CDH23: variants seen among roughly 807,000 people sequenced by gnomAD.
CDH23 encodes cadherin related 23.
A neutral mutation model predicts 317.1 loss-of-function variants in CDH23; 189 were observed. The ratio of observed to expected loss-of-function variants is 0.60; its 90% CI spans 0.53 to 0.67. CDH23 has a LOEUF of 0.67. Ranked by LOEUF, CDH23 falls within the 30% of genes least tolerant of loss-of-function variation. The probability of loss-of-function intolerance (pLI) is 0.00; values close to 1 mark genes in which losing one functional copy is unlikely to be tolerated. For synonymous variants in CDH23, 1,839 were observed against 1,876.8 expected, an observed-to-expected ratio of 0.98 and a Z score of 0.52; for missense variants, 4,401 against 4,592.4, an observed-to-expected ratio of 0.96 and a Z score of 1.20.
At chr10:71,732,659 G>T (rs528557869) in intron 32 of CDH23, 7 of 1,386,046 alleles carry the variant, frequency 5.1e-6, no homozygotes, top group Non-Finnish European at 6.5e-6. Flanking sequence ...AAAAGTCCCC[G>T]AGATCAATAT....
chr10:71,760,648 C>T, intron 38 of CDH23: 1 of 550,192 alleles, frequency 1.8e-6, no homozygotes, highest in South Asian at 2.2e-5. Flanking sequence ...TCCAGAGAGT[C>T]AAGAGGAGCA....
At chr10:71,650,800 G>A (rs1863131936) in intron 14 of CDH23, among the ~76,000 whole-genome samples, 1 of 152,210 alleles carries the variant, frequency 6.6e-6, no homozygotes. Flanking sequence ...GAAATCAGAT[G>A]AGAAGGCCAG....
chr10:71,532,705 GTTTTTGT>G (rs1855449118), intron 6 of CDH23, among the ~76,000 whole-genome samples: 6 of 59,694 alleles, frequency 1.0e-4, no homozygotes, highest in African/African-American at 3.6e-4. Context: ...GTTTTCTTTT[GTTTTTGT>G]TTTTTTTTTT....
chr10:71,576,782 C>G (rs1477009232), intron 8 of CDH23, among the ~76,000 whole-genome samples: 1 of 152,208 alleles, frequency 6.6e-6, no homozygotes, highest in East Asian at 1.9e-4. Context: ...AGGGGCGACT[C>G]AGCGAGTGGT....
chr10:71,453,110 A>G (rs888260770), intron 3 of CDH23, among the ~76,000 whole-genome samples: 13 of 152,360 alleles, frequency 8.5e-5, no homozygotes, highest in African/African-American at 3.1e-4. Flanking sequence ...CAGAACCACC[A>G]GCACCCCAAA....
intron 28 of CDH23, among the ~76,000 whole-genome samples, chr10:71,721,760 T>C (rs1315741702): frequency 6.6e-6 from 1 of 152,216 alleles, no homozygotes; most frequent in African/African-American, 2.4e-5. Context: ...CTCCCTGTCC[T>C]GTGGAGGTTC....
At chr10:71,521,290 G>A (rs1854664334) in intron 6 of CDH23, among the ~76,000 whole-genome samples, 1 of 152,158 alleles carries the variant, frequency 6.6e-6, no homozygotes, top group Non-Finnish European at 1.5e-5. Flanking sequence ...AGAGTCGTGG[G>A]CTCAGGCTGG....
intron 9 of CDH23, among the ~76,000 whole-genome samples, chr10:71,580,627 G>A (rs75926957): frequency 6.6e-6 from 1 of 152,160 alleles, no homozygotes; most frequent in Non-Finnish European, 1.5e-5. Flanking sequence ...AAGGGATAGG[G>A]CCACTGTTTG....
chr10:71,755,434 A>AG (rs1840113788), intron 38 of CDH23: 1 of 1,613,038 alleles, frequency 6.2e-7, no homozygotes. Context: ...CCTACGATGC[A>AG]GGCACCCGTA....
At chr10:71,495,810 G>GAAA (rs79249505) in intron 3 of CDH23, among the ~76,000 whole-genome samples, 1 of 128,394 alleles carries the variant, frequency 7.8e-6, no homozygotes, top group South Asian at 2.5e-4. Flanking sequence ...AGAGGTTTTG[G>GAAA]AAAAAAAAAA....
At chr10:71,658,550 T>C (rs1043966378) in intron 14 of CDH23, among the ~76,000 whole-genome samples, 2 of 152,382 alleles carry the variant, frequency 1.3e-5, no homozygotes, top group South Asian at 2.1e-4. Flanking sequence ...AGCAGCTCTG[T>C]CTGCGGCTAA....
In CDH23 at chr10:71,480,784, C is replaced by T. The variant is rs114937792; in HGVS notation, c.146-29298C>T. Among the ~76,000 whole-genome samples the T allele has an allele frequency of 7.3e-3, 1,108 of 150,998 alleles. 16 individuals are homozygous for T. The highest frequency in any genetic ancestry group is 0.025 in the African/African-American group (1,040 of 41,084). The stretch of plus-strand genomic sequence containing the variant: ...CTGGATGGGGGCGGCTGTGTGGTCT[C>T]GGCTCACACAAGAAGAAGGACATGA... On this transcript the variant is annotated intron_variant, in intron 3 of 69. Transcript: ENST00000224721.
chr10:71,535,564 C>T (rs1484492084), intron 6 of CDH23, among the ~76,000 whole-genome samples: 5 of 152,240 alleles, frequency 3.3e-5, no homozygotes, highest in African/African-American at 4.8e-5. Flanking sequence ...AAAGCTTCAT[C>T]CATAGACAGA....
intron 14 of CDH23, among the ~76,000 whole-genome samples, chr10:71,673,987 C>T (rs1436190231): frequency 6.6e-6 from 1 of 151,944 alleles, no homozygotes; most frequent in Non-Finnish European, 1.5e-5. Flanking sequence ...GGGGTGGTGG[C>T]GGGGACAGAG....
chr10:71,417,796 G>C (rs1025576637), intron 1 of CDH23, among the ~76,000 whole-genome samples: 3 of 152,210 alleles, frequency 2.0e-5, no homozygotes, highest in Admixed American at 6.5e-5. Context: ...GTTTTGTAGA[G>C]ATGGGGTTTT....
chr10:71,581,463 C>T (rs111555772), intron 9 of CDH23, among the ~76,000 whole-genome samples: 4,183 of 152,322 alleles, frequency 0.027, 83 homozygotes, highest in Non-Finnish European at 0.047. Context: ...CCACAGTTAA[C>T]TTGCCCAGTC....
chr10:71,513,540 G>A (rs576280631), intron 6 of CDH23, among the ~76,000 whole-genome samples: 2 of 152,342 alleles, frequency 1.3e-5, no homozygotes, highest in African/African-American at 4.8e-5. Flanking sequence ...GGGTGAGGGA[G>A]CACTGCAGAC....
chr10:71,721,880 T>G (rs992380649), intron 28 of CDH23, among the ~76,000 whole-genome samples: 2 of 152,154 alleles, frequency 1.3e-5, no homozygotes, highest in African/African-American at 4.8e-5. Flanking sequence ...GTTCCTTCCT[T>G]AGCCTCCCCA....
At chr10:71,673,180 C>A (rs929099495) in intron 14 of CDH23, among the ~76,000 whole-genome samples, 5 of 152,246 alleles carry the variant, frequency 3.3e-5, no homozygotes, top group Admixed American at 6.5e-5. Flanking sequence ...TGCCAGGCAC[C>A]GTCTGTGCTG....
Sources: allele counts gnomAD v4.1 joint callset (sites outside exome capture counted in the v4.1 genomes callset), GRCh38; gene constraint gnomAD v4.1.1; transcripts MANE v1.5; gene names NCBI Gene and HGNC (gene_info 2026-07-23, HGNC 2026-07-21).